Variants in GPHN observed in about 807,000 individuals in gnomAD.
The protein encoded by GPHN is gephyrin.
GPHN carries 17 observed loss-of-function variants against 95.5 expected under a neutral mutation model. The observed-to-expected ratio is 0.18, with a 90% CI of 0.12 to 0.27. GPHN has a LOEUF of 0.27. Ranked by LOEUF, GPHN falls within the 10% of genes least tolerant of loss-of-function variation. GPHN has a pLI of 1.00. For synonymous variants in GPHN, 320 were observed against 322.5 expected (o/e 0.99, Z 0.08); for missense variants, 660 against 978.1 (o/e 0.67, Z 4.34).
chr14:66,541,482 C>T (rs1354542271), intron 1 of GPHN, among the ~76,000 whole-genome samples: 1 of 152,112 alleles, frequency 6.6e-6, no homozygotes, highest in Non-Finnish European at 1.5e-5. Flanking sequence ...ACTAGACTCC[C>T]TGTTAGAACA....
intron 2 of GPHN, among the ~76,000 whole-genome samples, chr14:66,734,671 C>T (rs1055057202): frequency 2.6e-5 from 4 of 152,136 alleles, no homozygotes; most frequent in Admixed American, 2.0e-4. Flanking sequence ...GTGGATATTT[C>T]CCCAGTCTTC....
At chr14:66,615,611 T>C (rs2062977984) in intron 1 of GPHN, among the ~76,000 whole-genome samples, 1 of 152,120 alleles carries the variant, frequency 6.6e-6, no homozygotes, top group African/African-American at 2.4e-5. Flanking sequence ...AGATTCTGGA[T>C]ATTAGACCTT....
At chr14:67,579,248 T>C in the GPHN span, 1 of 1,605,630 alleles carries the variant, frequency 6.2e-7, no homozygotes, top group Non-Finnish European at 8.5e-7. Context: ...TCCTGCTGCG[T>C]AACCCCTTCC....
chr14:67,463,283 A>G, the GPHN span, among the ~76,000 whole-genome samples: 1 of 152,138 alleles, frequency 6.6e-6, no homozygotes, highest in Non-Finnish European at 1.5e-5. Context: ...TTTCAAATAT[A>G]TTAAAAACCA....
At chr14:67,233,881 C>T in the GPHN span, among the ~76,000 whole-genome samples, 83 of 152,180 alleles carry the variant, frequency 5.5e-4, no homozygotes, top group African/African-American at 1.9e-3. Flanking sequence ...ATGAAGATTC[C>T]GGCTGATAGT....
chr14:67,252,656 G>C, the GPHN span, among the ~76,000 whole-genome samples: 1 of 152,180 alleles, frequency 6.6e-6, no homozygotes, highest in African/African-American at 2.4e-5. Context: ...AGGACACCCA[G>C]TCGGTGTCCA....
At chr14:67,701,712 A>C in the GPHN span, among the ~76,000 whole-genome samples, 1 of 152,054 alleles carries the variant, frequency 6.6e-6, no homozygotes, top group Non-Finnish European at 1.5e-5. Flanking sequence ...ATGAGTCACC[A>C]CGCCAGGCCT....
At chr14:67,327,736 A>T in the GPHN span, among the ~76,000 whole-genome samples, 1 of 151,750 alleles carries the variant, frequency 6.6e-6, no homozygotes, top group African/African-American at 2.4e-5. Flanking sequence ...GAGAACATGC[A>T]GTGTTTGGTT....
At chr14:66,562,954 C>T (rs1014490027) in intron 1 of GPHN, among the ~76,000 whole-genome samples, 3 of 151,726 alleles carry the variant, frequency 2.0e-5, no homozygotes, top group Non-Finnish European at 2.9e-5. Context: ...GCGAAAGTGG[C>T]GTATTTTGGG....
At chr14:67,050,169 A>G (rs984865275) in intron 10 of GPHN, among the ~76,000 whole-genome samples, 2 of 152,252 alleles carry the variant, frequency 1.3e-5, no homozygotes, top group African/African-American at 4.8e-5. Flanking sequence ...TACACCATGC[A>G]TATATAAAAT....
the GPHN span, chr14:67,208,147 C>G: frequency 6.2e-7 from 1 of 1,601,530 alleles, no homozygotes; most frequent in Non-Finnish European, 8.5e-7. Context: ...CCACAAACAC[C>G]TATTACCTGA....
chr14:66,670,770 C>T (rs1566793103), intron 1 of GPHN, among the ~76,000 whole-genome samples: 1 of 151,876 alleles, frequency 6.6e-6, no homozygotes, highest in Non-Finnish European at 1.5e-5. Context: ...CTAGCCTGGG[C>T]GACAGAGCAA....
chr14:67,110,225 T>C lies in GPHN; in HGVS notation c.1379T>C (p.Val460Ala). ...TGCGGTGCTGATGCAGTAGTACAAG[T>C]GGAAGATACCGAACTTATCAGGGAA... ...IPCGADAVVQ[V>A]EDTELIRESD... is the part of the protein sequence containing the mutation. The change falls in exon 14 of 23, where the codon GTG (valine) becomes GCG (alanine). Residue 460 changes from valine to alanine, a missense_variant. This residue lies in a region of GPHN where 257 missense variants were observed against 376.2 expected (regional missense o/e 0.68). Transcript: ENST00000478722. 1.2e-6 allele frequency: 2 copies of C among 1,613,576 alleles called. No homozygotes were observed. The highest frequency in any genetic ancestry group is 1.7e-6 in the Non-Finnish European group (2 of 1,179,530).
Position 66,924,192 on chromosome 14 carries a change from A to G in GPHN, c.730-2A>G. The G allele has an allele frequency of 1.3e-6, 2 of 1,549,970 alleles. No homozygotes were observed. Among genetic ancestry groups the G allele is most frequent in the Non-Finnish European group, 1.8e-6 (2 of 1,121,638 alleles). On this transcript the variant is annotated splice_acceptor_variant, in intron 7 of 22. Coordinates refer to ENST00000478722, the MANE Select transcript of GPHN (RefSeq NM_020806.5). LOFTEE classifies it high-confidence loss of function. ...TCATAGTTGTTATGTGTTGTGCATT[A>G]GAAGCATCCATTCTACACCAGTCCT...
At chr14:67,009,915 T>G (rs1203684519) in intron 9 of GPHN, among the ~76,000 whole-genome samples, 2 of 151,762 alleles carry the variant, frequency 1.3e-5, no homozygotes, top group East Asian at 4.0e-4. Context: ...CACACCACTG[T>G]ATCTGGCTAA....
At chr14:67,575,545 G>T in the GPHN span, 1 of 943,414 alleles carries the variant, frequency 1.1e-6, no homozygotes, top group Non-Finnish European at 1.7e-6. Flanking sequence ...TCTATGTCCT[G>T]ATGAAAGTCC....
chr14:67,394,097 G>A, the GPHN span, among the ~76,000 whole-genome samples: 1 of 152,144 alleles, frequency 6.6e-6, no homozygotes, highest in Admixed American at 6.5e-5. Context: ...AGAACAGGGT[G>A]TTCAGTTATG....
At chr14:67,684,360 G>A in the GPHN span, 2 of 152,122 alleles carry the variant, frequency 1.3e-5, no homozygotes, top group Non-Finnish European at 2.9e-5. Context: ...TAATATGGGA[G>A]AAGAAAAATA....
At chr14:67,663,072 T>C in the GPHN span, 1 of 1,471,812 alleles carries the variant, frequency 6.8e-7, no homozygotes, top group Non-Finnish European at 8.9e-7. Flanking sequence ...TGTTTTTCTC[T>C]GGGTGTGGCA....
Sources: gnomAD v4.1 joint callset for allele counts (sites outside exome capture counted in the v4.1 genomes callset) on GRCh38, gnomAD v4.1.1 for gene constraint, gnomAD v4.1.1 regional missense constraint, MANE v1.5 for transcripts, NCBI Gene and HGNC (gene_info 2026-07-23, HGNC 2026-07-21) for gene names.